Variants in GATA4 observed in about 807,000 individuals in gnomAD.
GATA4 encodes transcription factor GATA-4.
Under a neutral mutation model 37.9 loss-of-function variants are expected in GATA4, and 7 were observed. The observed-to-expected ratio is 0.18, with a 90% CI of 0.11 to 0.35. GATA4 has a LOEUF of 0.35. Ranked by LOEUF, GATA4 falls within the 10% of genes least tolerant of loss-of-function variation. The pLI, the probability that GATA4 is intolerant of heterozygous loss-of-function variation, is 1.00. For missense variants in GATA4, 647 were observed against 653.0 expected, an observed-to-expected ratio of 0.99 and a Z score of 0.10; for synonymous variants, 372 against 292.6, an observed-to-expected ratio of 1.27 and a Z score of -2.77.
chr8:11,678,219 C>T (rs1418422294), intron 1 of GATA4, among the ~76,000 whole-genome samples: 1 of 152,036 alleles, frequency 6.6e-6, no homozygotes, highest in Non-Finnish European at 1.5e-5. Context: ...TCTGTAGCCT[C>T]AGGAGGACCC....
At chr8:11,690,818 C>A (rs763370157), upstream of GATA4, among the ~76,000 whole-genome samples, 1 of 152,206 alleles carries the variant, frequency 6.6e-6, no homozygotes, top group South Asian at 2.1e-4. Context: ...CTCTAGTGAA[C>A]TATGATTGCA....
chr8:11,694,025 A>C (rs530308356), intron 1 of GATA4, among the ~76,000 whole-genome samples: 140 of 152,262 alleles, frequency 9.2e-4, no homozygotes, highest in African/African-American at 3.3e-3. Flanking sequence ...CCTTGAATTC[A>C]TTTAGGTCGT....
intron 2 of GATA4, among the ~76,000 whole-genome samples, chr8:11,720,088 C>T (rs1482410160): frequency 6.6e-6 from 1 of 151,778 alleles, no homozygotes; most frequent in African/African-American, 2.4e-5. Context: ...CGCGGAGAAA[C>T]CCTGGGCTCC....
intron 1 of GATA4, among the ~76,000 whole-genome samples, chr8:11,681,803 T>C (rs1376013750): frequency 6.6e-6 from 1 of 152,176 alleles, no homozygotes; most frequent in East Asian, 1.9e-4. Flanking sequence ...CCTGCCTGTC[T>C]TCTTTCCCGC....
chr8:11,694,539 A>C, intron 1 of GATA4: 1 of 984,428 alleles, frequency 1.0e-6, no homozygotes. Flanking sequence ...CTGCTTAATT[A>C]GCAAGCTCTC....
At chr8:11,684,833 T>C (rs1394137388) in intron 1 of GATA4, among the ~76,000 whole-genome samples, 1 of 152,194 alleles carries the variant, frequency 6.6e-6, no homozygotes, top group African/African-American at 2.4e-5. Flanking sequence ...TACTGAGAGG[T>C]AGAAATTTAT....
At chr8:11,723,808 C>G (rs1014639620) in intron 2 of GATA4, among the ~76,000 whole-genome samples, 18 of 152,184 alleles carry the variant, frequency 1.2e-4, no homozygotes, top group African/African-American at 4.3e-4. Flanking sequence ...AAAAAATTAT[C>G]TTAAACTATA....
At chr8:11,713,909 A>G (rs901641799) in intron 2 of GATA4, among the ~76,000 whole-genome samples, 3 of 152,136 alleles carry the variant, frequency 2.0e-5, no homozygotes, top group African/African-American at 7.2e-5. Flanking sequence ...CCTTTTAAAG[A>G]ACCCAGTCAC....
chr8:11,681,020 C>T, intron 1 of GATA4: 1 of 941,084 alleles, frequency 1.1e-6, no homozygotes, highest in African/African-American at 1.8e-5. Flanking sequence ...ATCCCATACC[C>T]CAGGCTGCAA....
chr8:11,726,071 C>T (rs1322222232), intron 2 of GATA4, among the ~76,000 whole-genome samples: 8 of 152,216 alleles, frequency 5.3e-5, no homozygotes, highest in South Asian at 2.1e-4. Flanking sequence ...CTTCTGGGGT[C>T]CGGAATACCA....
chr8:11,722,132 A>T (rs1047392257), intron 2 of GATA4, among the ~76,000 whole-genome samples: 1 of 152,174 alleles, frequency 6.6e-6, no homozygotes, highest in Non-Finnish European at 1.5e-5. Flanking sequence ...ACTGGTGTGA[A>T]CCACCACACC....
intron 1 of GATA4, among the ~76,000 whole-genome samples, chr8:11,694,033 C>T (rs529416899): frequency 1.3e-5 from 2 of 152,288 alleles, no homozygotes; most frequent in South Asian, 2.1e-4. Flanking sequence ...TCATTTAGGT[C>T]GTCTCCCACC....
chr8:11,692,526 C>G (rs993815913), upstream of GATA4: 6 of 985,348 alleles, frequency 6.1e-6, no homozygotes, highest in African/African-American at 1.0e-4. Flanking sequence ...TGAAACTATG[C>G]TCATGCGGAT....
intron 2 of GATA4, among the ~76,000 whole-genome samples, chr8:11,744,774 G>T (rs1192673395): frequency 6.6e-6 from 1 of 152,190 alleles, no homozygotes; most frequent in East Asian, 1.9e-4. Flanking sequence ...ACTATTGGAT[G>T]TCTTTAGGAA....
intron 1 of GATA4, among the ~76,000 whole-genome samples, chr8:11,679,219 G>T (rs566127769): frequency 4.6e-5 from 7 of 151,068 alleles, no homozygotes; most frequent in African/African-American, 1.7e-4. Context: ...AGATAAAAGA[G>T]CGACACAGGA....
intron 2 of GATA4, among the ~76,000 whole-genome samples, chr8:11,726,772 CT>C (rs2130178745): frequency 6.6e-6 from 1 of 152,290 alleles, no homozygotes; most frequent in East Asian, 1.9e-4. Flanking sequence ...CCCTTGCATC[CT>C]CACTTGATCC....
At position 11,758,801 on chromosome 8, in the gene GATA4, G is replaced by C; in HGVS notation, c.*326G>C. On this transcript the variant is annotated 3_prime_UTR_variant, in exon 7 of 7. Transcript: ENST00000532059. ...TGGCCTAGACCGTGGGTTTTGCATT[G>C]TGTTTCTAGCACCGAGGATCTGAGA... The C allele has an allele frequency of 2.6e-6, 1 of 391,934 alleles. No individual in the cohort carries two copies. The highest frequency in any genetic ancestry group is 2.2e-5 in the South Asian group (1 of 44,632). The allele number at this position is 391,934 out of a possible 1,614,324, so 24.3% of individuals were successfully genotyped here. A position where few individuals can be genotyped will look rare whatever the true frequency, so the allele number is the denominator to read the frequency against.
At chr8:11,743,031 G>A (rs1056892654) in intron 2 of GATA4, among the ~76,000 whole-genome samples, 3 of 152,172 alleles carry the variant, frequency 2.0e-5, no homozygotes, top group Non-Finnish European at 4.4e-5. Flanking sequence ...GCCCCCTCTG[G>A]CCCCTCTTGT....
upstream of GATA4, among the ~76,000 whole-genome samples, chr8:11,701,068 A>T (rs976600924): frequency 6.6e-6 from 1 of 152,152 alleles, no homozygotes; most frequent in Admixed American, 6.5e-5. Flanking sequence ...CGCAGCGTAC[A>T]ATTTGCCTCT....
Sources: gnomAD v4.1 joint callset for allele counts (sites outside exome capture counted in the v4.1 genomes callset) on GRCh38, gnomAD v4.1.1 for gene constraint, MANE v1.5 for transcripts, NCBI Gene and HGNC (gene_info 2026-07-23, HGNC 2026-07-21) for gene names.